Variants in ZNF469 observed in about 807,000 individuals in gnomAD.
ZNF469 encodes the protein zinc finger protein 469.
A neutral mutation model predicts 1.0 loss-of-function variants in ZNF469; 1 was observed. The ratio of observed to expected loss-of-function variants is 1.00; its 90% confidence interval spans 0.35 to 4.73. ZNF469 has a LOEUF of 4.73. Ranked by LOEUF, ZNF469 falls within the 30% of genes most tolerant of loss-of-function variation. ZNF469 has a pLI of 0.16. For synonymous variants in ZNF469, 2,703 were observed against 2,363.4 expected (o/e 1.14, Z -4.17); for missense variants, 6,100 against 5,356.3 (o/e 1.14, Z -4.33).
chr16:88,409,877 G>T (rs8045945), intron 1 of ZNF469, among the ~76,000 whole-genome samples: 3 of 118,104 alleles, frequency 2.5e-5, no homozygotes, highest in Non-Finnish European at 3.7e-5. Context: ...GGGGGGGGGG[G>T]GGGGGGGCGC....
chr16:88,328,761 C>G, the ZNF469 span, among the ~76,000 whole-genome samples: 1 of 152,184 alleles, frequency 6.6e-6, no homozygotes, highest in Non-Finnish European at 1.5e-5. Flanking sequence ...GCAACAGAGG[C>G]GCCCAGTCTA....
the ZNF469 span, among the ~76,000 whole-genome samples, chr16:88,224,931 G>A: frequency 0.015 from 2,248 of 152,344 alleles, 28 homozygotes; most frequent in Non-Finnish European, 0.022. Flanking sequence ...CAGCCTCACT[G>A]CTGGGCTCAC....
chr16:88,217,077 C>A, the ZNF469 span, among the ~76,000 whole-genome samples: 1 of 152,326 alleles, frequency 6.6e-6, no homozygotes, highest in Admixed American at 6.5e-5. Flanking sequence ...GTATCTGCTT[C>A]TAAGTTGTGT....
the ZNF469 span, among the ~76,000 whole-genome samples, chr16:88,152,661 G>A: frequency 2.0e-5 from 3 of 151,954 alleles, no homozygotes; most frequent in Non-Finnish European, 4.4e-5. This position sits in a 1 kb window ranked among gnomAD's most constrained non-coding sequence, Gnocchi z 4.2. Context: ...CCCCTACCTG[G>A]GCCTCTGGAT....
chr16:88,219,337 C>T, the ZNF469 span, among the ~76,000 whole-genome samples: 1 of 141,884 alleles, frequency 7.0e-6, no homozygotes, highest in African/African-American at 2.7e-5. Flanking sequence ...AAGAACAAAG[C>T]TGGAGGCATC....
chr16:88,364,997 G>T, the ZNF469 span, among the ~76,000 whole-genome samples: 12 of 152,224 alleles, frequency 7.9e-5, no homozygotes, highest in African/African-American at 2.9e-4. Context: ...GAATAAAAAG[G>T]CTTGCACATG....
At chr16:88,237,751 G>A in the ZNF469 span, among the ~76,000 whole-genome samples, 3 of 105,306 alleles carry the variant, frequency 2.8e-5, no homozygotes, top group African/African-American at 9.1e-5. Context: ...CACCCTCCCT[G>A]CCCTCCTTGC....
chr16:88,178,805 G>T, the ZNF469 span: 1 of 151,774 alleles, frequency 6.6e-6, no homozygotes, highest in African/African-American at 2.4e-5. Flanking sequence ...TAATCTTTGA[G>T]TTGAAACTGC....
the ZNF469 span, among the ~76,000 whole-genome samples, chr16:88,291,892 T>A: frequency 3.9e-5 from 6 of 152,074 alleles, no homozygotes; most frequent in African/African-American, 1.4e-4. Context: ...TTCAGACCCC[T>A]CTGTTTTGTG....
chr16:88,139,596 T>G, the ZNF469 span, among the ~76,000 whole-genome samples: 17 of 149,082 alleles, frequency 1.1e-4, no homozygotes, highest in East Asian at 2.0e-4. Context: ...CCTGGGGACG[T>G]GATGAAGAAA....
chr16:88,414,158 G>A (rs990992565), intron 1 of ZNF469, among the ~76,000 whole-genome samples: 19 of 152,324 alleles, frequency 1.2e-4, no homozygotes, highest in Admixed American at 1.1e-3. Context: ...CCTAGATCCC[G>A]AGTCCCCAGG....
At chr16:88,316,745 C>G in the ZNF469 span, among the ~76,000 whole-genome samples, 1 of 151,896 alleles carries the variant, frequency 6.6e-6, no homozygotes, top group Non-Finnish European at 1.5e-5. Context: ...CAGGGTTTCA[C>G]CACGTTGGCC....
At chr16:88,290,131 C>A in the ZNF469 span, among the ~76,000 whole-genome samples, 1 of 152,342 alleles carries the variant, frequency 6.6e-6, no homozygotes, top group South Asian at 2.1e-4. Flanking sequence ...CAGTGAGGCA[C>A]TTAGAGTGCC....
chr16:88,187,061 C>T, the ZNF469 span, among the ~76,000 whole-genome samples: 4 of 152,158 alleles, frequency 2.6e-5, no homozygotes, highest in South Asian at 2.1e-4. Flanking sequence ...GGTATGAAGA[C>T]GATGTAGCGG....
the ZNF469 span, among the ~76,000 whole-genome samples, chr16:88,285,110 C>A: frequency 3.9e-5 from 6 of 152,262 alleles, no homozygotes; most frequent in African/African-American, 1.4e-4. Flanking sequence ...CAGCTTCAGC[C>A]CAAGAAGCCC....
the ZNF469 span, among the ~76,000 whole-genome samples, chr16:88,170,999 C>T: frequency 1.3e-5 from 2 of 152,098 alleles, no homozygotes; most frequent in Non-Finnish European, 2.9e-5. The surrounding 1 kb of genome is among the most constrained non-coding windows in gnomAD (Gnocchi z 4.2). Flanking sequence ...TAGTTAAACA[C>T]TCACCCTAGG....
chr16:88,319,340 G>A, the ZNF469 span, among the ~76,000 whole-genome samples: 3 of 152,158 alleles, frequency 2.0e-5, no homozygotes, highest in Non-Finnish European at 4.4e-5. Context: ...AGCCGAAGGG[G>A]GCTCCTCGTC....
At chr16:88,364,547 A>C in the ZNF469 span, among the ~76,000 whole-genome samples, 1 of 151,194 alleles carries the variant, frequency 6.6e-6, no homozygotes, top group Non-Finnish European at 1.5e-5. Context: ...ATTGTGTTTA[A>C]TCCAGAGATC....
At chr16:88,334,926 C>T in the ZNF469 span, among the ~76,000 whole-genome samples, 1 of 150,618 alleles carries the variant, frequency 6.6e-6, no homozygotes, top group Non-Finnish European at 1.5e-5. Context: ...ATGTGGGAGC[C>T]GTGAAGGAAG....
Sources: allele counts gnomAD v4.1 joint callset (sites outside exome capture counted in the v4.1 genomes callset), GRCh38; gene constraint gnomAD v4.1.1; non-coding constraint Gnocchi (gnomAD v3.1); transcripts MANE v1.5; gene names NCBI Gene and HGNC (gene_info 2026-07-23, HGNC 2026-07-21).